STPG2: variants seen among roughly 807,000 people sequenced by gnomAD.
The protein encoded by STPG2 is sperm-tail PG-rich repeat-containing protein 2.
STPG2 carries 56 observed loss-of-function variants against 54.2 expected under a neutral mutation model. The ratio of observed to expected loss-of-function variants is 1.03; its 90% confidence interval spans 0.83 to 1.29. The LOEUF (loss-of-function observed/expected upper bound fraction) is 1.29. Ranked by LOEUF, STPG2 falls within the 50% of genes most tolerant of loss-of-function variation. The pLI, the probability that STPG2 is intolerant of heterozygous loss-of-function variation, is 0.00. For synonymous variants in STPG2, 200 were observed against 181.8 expected (o/e 1.10, Z -0.81); for missense variants, 596 against 544.9 (o/e 1.09, Z -0.93).
At chr4:98,052,738 A>G (rs4699589) in intron 5 of STPG2, among the ~76,000 whole-genome samples, 59,969 of 152,062 alleles carry the variant, frequency 0.39, 12,058 homozygotes, top group Middle Eastern at 0.46. Context: ...TATTTAAAAT[A>G]CTTAACACAG....
At chr4:97,843,976 T>A (rs1189840953) in intron 8 of STPG2, among the ~76,000 whole-genome samples, 2 of 151,776 alleles carry the variant, frequency 1.3e-5, no homozygotes, top group Admixed American at 1.3e-4. Context: ...TCCAACTGAA[T>A]GAAATTGGAA....
At chr4:97,785,942 C>T (rs139539077) in intron 9 of STPG2, among the ~76,000 whole-genome samples, 1 of 151,906 alleles carries the variant, frequency 6.6e-6, no homozygotes, top group South Asian at 2.1e-4. Flanking sequence ...AACTTAGTGT[C>T]GGTGAGAGTT....
intron 8 of STPG2, among the ~76,000 whole-genome samples, chr4:97,912,003 T>C (rs1731696312): frequency 6.6e-6 from 1 of 152,064 alleles, no homozygotes; most frequent in African/African-American, 2.4e-5. Flanking sequence ...ATCTTTACTG[T>C]GTTGTAATCT....
chr4:97,878,839 CT>C (rs1730270072), intron 8 of STPG2, among the ~76,000 whole-genome samples: 1 of 152,136 alleles, frequency 6.6e-6, no homozygotes, highest in Non-Finnish European at 1.5e-5. Flanking sequence ...ATGGGTTTTT[CT>C]TTTCTATTGC....
chr4:97,824,270 A>G (rs982397210), intron 9 of STPG2, among the ~76,000 whole-genome samples: 8 of 152,232 alleles, frequency 5.3e-5, no homozygotes, highest in Middle Eastern at 6.8e-3. Flanking sequence ...ATTGCAGGCA[A>G]TGCTTTTCTC....
intron 10 of STPG2, among the ~76,000 whole-genome samples, chr4:97,647,030 A>C (rs1001279381): frequency 6.6e-6 from 1 of 152,186 alleles, no homozygotes; most frequent in Non-Finnish European, 1.5e-5. Context: ...TAGCAATGGC[A>C]TGTAAATATT....
chr4:97,624,805 T>C (rs1734098291), intron 10 of STPG2, among the ~76,000 whole-genome samples: 1 of 152,188 alleles, frequency 6.6e-6, no homozygotes, highest in Admixed American at 6.5e-5. Flanking sequence ...GTATAAAGTG[T>C]AAGGAAAAGG....
At chr4:97,813,677 TAAAAAAAA>T (rs869298230) in intron 9 of STPG2, among the ~76,000 whole-genome samples, 5 of 45,942 alleles carry the variant, frequency 1.1e-4, no homozygotes, top group East Asian at 8.3e-4. Context: ...CCCTGTCTCT[TAAAAAAAA>T]AAAAAAAAAA....
chr4:98,019,817 T>C (rs1292929739), intron 5 of STPG2, among the ~76,000 whole-genome samples: 1 of 118,898 alleles, frequency 8.4e-6, no homozygotes, highest in Non-Finnish European at 1.8e-5. Flanking sequence ...GGCTCTCTGT[T>C]TGTCTGTTGT....
At chr4:97,591,130 T>A (rs1368501538) in intron 10 of STPG2, among the ~76,000 whole-genome samples, 1 of 152,114 alleles carries the variant, frequency 6.6e-6, no homozygotes, top group Non-Finnish European at 1.5e-5. Flanking sequence ...GATATTAATA[T>A]TAGTTGATGA....
At chr4:97,555,338 C>A (rs533895272), downstream of STPG2, among the ~76,000 whole-genome samples, 7 of 152,178 alleles carry the variant, frequency 4.6e-5, 1 homozygote, top group Admixed American at 4.6e-4. Context: ...GTTAGTCCAT[C>A]TTATGTTACA....
chr4:97,680,606 T>C (rs1415223139), intron 10 of STPG2, among the ~76,000 whole-genome samples: 1 of 152,102 alleles, frequency 6.6e-6, no homozygotes, highest in Admixed American at 6.6e-5. Context: ...CTTTTCCTAA[T>C]TGAATACCCT....
chr4:97,832,674 C>T (rs1728504428), intron 9 of STPG2, among the ~76,000 whole-genome samples: 1 of 152,150 alleles, frequency 6.6e-6, no homozygotes, highest in African/African-American at 2.4e-5. Context: ...TCTCAGGATA[C>T]AAAATCAATG....
chr4:97,782,649 T>G (rs1470073532), intron 9 of STPG2, among the ~76,000 whole-genome samples: 1 of 152,188 alleles, frequency 6.6e-6, no homozygotes, highest in Non-Finnish European at 1.5e-5. Flanking sequence ...AGAAGAAAGC[T>G]AGAGGCATCA....
At chr4:98,032,943 G>A (rs914919548) in intron 5 of STPG2, among the ~76,000 whole-genome samples, 1 of 152,200 alleles carries the variant, frequency 6.6e-6, no homozygotes, top group African/African-American at 2.4e-5. Flanking sequence ...TTAAAGCAGT[G>A]TGTAGAGGGA....
At chr4:97,449,628 T>C (rs1479665411) in intron 4 of STPG2, among the ~76,000 whole-genome samples, 1 of 152,208 alleles carries the variant, frequency 6.6e-6, no homozygotes, top group African/African-American at 2.4e-5. Flanking sequence ...GCTATATCAA[T>C]GATCCTCTTT....
intron 10 of STPG2, among the ~76,000 whole-genome samples, chr4:97,591,224 C>A (rs1343977154): frequency 6.6e-6 from 1 of 152,112 alleles, no homozygotes; most frequent in East Asian, 1.9e-4. Flanking sequence ...TGTCAGATTA[C>A]TTAAAATGAA....
At chr4:97,770,198 G>A (rs887453557) in intron 9 of STPG2, among the ~76,000 whole-genome samples, 6 of 152,060 alleles carry the variant, frequency 3.9e-5, no homozygotes, top group Non-Finnish European at 8.8e-5. Context: ...GCGACAGAGT[G>A]ATAATCTGTC....
At chr4:97,525,669 T>C (rs978068511) in intron 4 of STPG2, among the ~76,000 whole-genome samples, 2 of 151,976 alleles carry the variant, frequency 1.3e-5, no homozygotes, top group African/African-American at 4.8e-5. Flanking sequence ...TTCTGATCCA[T>C]AACTCAGGAA....
Sources: gnomAD v4.1 joint callset for allele counts (sites outside exome capture counted in the v4.1 genomes callset) on GRCh38, gnomAD v4.1.1 for gene constraint, MANE v1.5 for transcripts, NCBI Gene and HGNC (gene_info 2026-07-23, HGNC 2026-07-21) for gene names.